Variants in CTNNA3 observed in about 807,000 individuals in gnomAD.
CTNNA3 encodes catenin alpha-3.
CTNNA3 carries 76 observed loss-of-function variants against 95.7 expected under a neutral mutation model. The ratio of observed to expected loss-of-function variants is 0.79; its 90% confidence interval spans 0.66 to 0.96. The LOEUF (loss-of-function observed/expected upper bound fraction) is 0.96. CTNNA3 is among the 40% of genes least tolerant of loss of function. The probability of loss-of-function intolerance (pLI) is 0.00; values close to 1 mark genes in which losing one functional copy is unlikely to be tolerated. For synonymous variants in CTNNA3, 431 were observed against 374.4 expected (o/e 1.15, Z -1.74); for missense variants, 1,191 against 1,089.8 (o/e 1.09, Z -1.31).
At chr10:66,047,162 C>T (rs2079845810) in intron 15 of CTNNA3, among the ~76,000 whole-genome samples, 1 of 152,146 alleles carries the variant, frequency 6.6e-6, no homozygotes, top group Non-Finnish European at 1.5e-5. Flanking sequence ...CAAATCCTGG[C>T]AGAGACCCAC....
chr10:66,141,413 C>CA (rs1167489688), intron 13 of CTNNA3, among the ~76,000 whole-genome samples: 8 of 150,256 alleles, frequency 5.3e-5, no homozygotes, highest in Non-Finnish European at 8.9e-5. Flanking sequence ...TTATTTATAC[C>CA]AAAAAAAAGC....
chr10:66,966,040 C>T (rs1425581341), intron 7 of CTNNA3, among the ~76,000 whole-genome samples: 1 of 152,150 alleles, frequency 6.6e-6, no homozygotes, highest in Non-Finnish European at 1.5e-5. Context: ...GAGTCTTTTG[C>T]TTCCTTCACT....
chr10:66,507,429 T>C (rs1375010479), intron 11 of CTNNA3, among the ~76,000 whole-genome samples: 3 of 151,656 alleles, frequency 2.0e-5, no homozygotes, highest in African/African-American at 4.8e-5. Flanking sequence ...TACAGTGCCA[T>C]AGAACACTAA....
In CTNNA3 at chr10:67,180,376, C is replaced by T. The variant is rs758057945; in HGVS notation, c.988G>A (p.Ala330Thr). Reference sequence around the variant, plus strand: ...GCCTGGCGAATGGCGTTGCATTCTGCGATAATCCGCTCTCGGTGTAAGTCC... The same window carrying T: ...GCCTGGCGAATGGCGTTGCATTCTGTGATAATCCGCTCTCGGTGTAAGTCC... Reference protein sequence around the residue: ...TRDLHRERIIAECNAIRQALQ... With the variant: ...TRDLHRERIITECNAIRQALQ... The change falls in exon 7 of 18, where the codon GCA (alanine) becomes ACA (threonine). Residue 330 changes from alanine (A) to threonine (T), a missense_variant. Ala to Thr is a moderately conservative substitution (Grantham distance 58). Transcript: ENST00000433211. 56 of 1,613,590 alleles carry T rather than the reference C, an allele frequency of 3.5e-5. No homozygotes were observed. In the South Asian group the frequency reaches 5.2e-4, roughly 15 times the overall value.
At chr10:67,619,656 A>G (rs1564787661) in intron 2 of CTNNA3, among the ~76,000 whole-genome samples, 1 of 152,218 alleles carries the variant, frequency 6.6e-6, no homozygotes, top group East Asian at 1.9e-4. Context: ...GACTATTGGA[A>G]GAAAGGTCTC....
intron 13 of CTNNA3, among the ~76,000 whole-genome samples, chr10:66,247,165 A>G (rs1290149833): frequency 2.0e-5 from 3 of 152,184 alleles, no homozygotes; most frequent in Non-Finnish European, 4.4e-5. Context: ...TATTAGGCCT[A>G]GAAAGTAGCC....
intron 7 of CTNNA3, among the ~76,000 whole-genome samples, chr10:67,022,686 C>A (rs1853101648): frequency 6.6e-6 from 1 of 151,998 alleles, no homozygotes; most frequent in Admixed American, 6.6e-5. Context: ...GCCTTTAATC[C>A]CAGCATTTTG....
At chr10:66,948,730 G>A (rs1181751612) in intron 7 of CTNNA3, among the ~76,000 whole-genome samples, 2 of 152,112 alleles carry the variant, frequency 1.3e-5, no homozygotes, top group Non-Finnish European at 2.9e-5. Flanking sequence ...CATATTAAAT[G>A]ATAACAATCT....
At position 67,744,240 on chromosome 10, in the gene CTNNA3, T is replaced by A. The variant is rs904988617; in HGVS notation, c.-2+19194A>T. 1.5e-4 allele frequency among the ~76,000 whole-genome samples: 23 copies of A among 151,362 alleles called. 2 individuals carry two copies. Among genetic ancestry groups the A allele is most frequent in the Middle Eastern group, 3.5e-3 (1 of 286 alleles). ...ACAAAGCTGGAGGCATCACACTACC[T>A]GACTTCACACTATACTACAAGGCTA... On this transcript the variant is annotated intron_variant, in intron 1 of 17. Transcript: ENST00000684154.
intron 7 of CTNNA3, among the ~76,000 whole-genome samples, chr10:67,079,585 C>T (rs1856930758): frequency 6.6e-6 from 1 of 152,150 alleles, no homozygotes; most frequent in Non-Finnish European, 1.5e-5. Context: ...CGCGGTGGCT[C>T]ATGCCTGTAA....
intron 17 of CTNNA3, among the ~76,000 whole-genome samples, chr10:65,939,713 C>T (rs570610502): frequency 1.8e-4 from 28 of 152,066 alleles, no homozygotes; most frequent in African/African-American, 5.6e-4. Context: ...TACCAACTTA[C>T]GTACATTATG....
At chr10:66,633,936 G>C (rs1229058215) in intron 9 of CTNNA3, among the ~76,000 whole-genome samples, 1 of 151,932 alleles carries the variant, frequency 6.6e-6, no homozygotes, top group East Asian at 1.9e-4. Flanking sequence ...TATATGTATT[G>C]GTGTATATGG....
At chr10:66,594,737 T>G (rs1257460645) in intron 10 of CTNNA3, among the ~76,000 whole-genome samples, 1 of 152,150 alleles carries the variant, frequency 6.6e-6, no homozygotes, top group Admixed American at 6.5e-5. Flanking sequence ...TATGGTAGCA[T>G]GTAGTATGGT....
At chr10:67,144,461 G>A (rs545929079) in intron 7 of CTNNA3, among the ~76,000 whole-genome samples, 2 of 152,338 alleles carry the variant, frequency 1.3e-5, no homozygotes, top group Admixed American at 6.5e-5. Flanking sequence ...ACAGAAGACT[G>A]TTTTATCTAC....
chr10:66,380,927 G>T (rs2092833499), intron 11 of CTNNA3, among the ~76,000 whole-genome samples: 1 of 151,778 alleles, frequency 6.6e-6, no homozygotes, highest in South Asian at 2.1e-4. Context: ...CCTACAAAGA[G>T]ACTTAGACTC....
chr10:66,389,424 C>T (rs539320203), intron 11 of CTNNA3, among the ~76,000 whole-genome samples: 36 of 152,038 alleles, frequency 2.4e-4, no homozygotes, highest in African/African-American at 7.5e-4. Context: ...CTGGTGTTAG[C>T]GTAAATGCTG....
intron 7 of CTNNA3, among the ~76,000 whole-genome samples, chr10:66,804,745 T>C (rs1841572897): frequency 6.6e-6 from 1 of 152,030 alleles, no homozygotes; most frequent in African/African-American, 2.4e-5. Context: ...AAGCTCAATT[T>C]TTAGAGATTT....
chr10:66,742,325 A>G (rs1849354747), intron 9 of CTNNA3, among the ~76,000 whole-genome samples: 1 of 152,082 alleles, frequency 6.6e-6, no homozygotes, highest in Non-Finnish European at 1.5e-5. Context: ...TTTTGGTCAG[A>G]CCAGTTGTCT....
intron 10 of CTNNA3, among the ~76,000 whole-genome samples, chr10:66,606,770 A>G (rs1844137920): frequency 6.6e-6 from 1 of 152,136 alleles, no homozygotes; most frequent in African/African-American, 2.4e-5. Flanking sequence ...GACACAGCTA[A>G]GACAGTATTA....
Sources: gnomAD v4.1 joint callset for allele counts (sites outside exome capture counted in the v4.1 genomes callset) on GRCh38, gnomAD v4.1.1 for gene constraint, MANE v1.5 for transcripts, NCBI Gene and HGNC (gene_info 2026-07-23, HGNC 2026-07-21) for gene names.